FBRSL1: variants seen among roughly 807,000 people sequenced by gnomAD.
The protein encoded by FBRSL1 is fibrosin like 1.
FBRSL1 carries 51 observed loss-of-function variants against 89.6 expected under a neutral mutation model. That is an observed-to-expected ratio of 0.57 (90% CI 0.45 to 0.72). The LOEUF is 0.72. Among genes scored for constraint, FBRSL1 ranks in the 30% least tolerant of loss-of-function variants. The pLI, the probability that FBRSL1 is intolerant of heterozygous loss-of-function variation, is 0.00. For synonymous variants in FBRSL1, 779 were observed against 681.1 expected (o/e 1.14, Z -2.24); for missense variants, 1,618 against 1,451.8 (o/e 1.11, Z -1.86).
In FBRSL1 at chr12:132,582,201, G is replaced by A. The variant is rs977742962; in HGVS notation, c.2136G>A (p.Ala712=). ...APPPWPKSVD[A]ERVSALTNHD... is the part of the protein sequence containing the mutation. ...CCCCGTGGCCCAAGTCCGTGGACGC[G>A]GAGCGGGTGTCAGCCCTGACCAACC... Residue 712 remains alanine, a synonymous_variant, in exon 18 of 19, where the codon GCG becomes GCA. Transcript: ENST00000680143. The A allele has an allele frequency of 3.0e-5, 46 of 1,550,070 alleles. No homozygotes were observed. The highest frequency in any genetic ancestry group is 3.7e-5 in the Non-Finnish European group (42 of 1,146,886).
At chr12:132,509,458 C>T (rs2034071050) in intron 2 of FBRSL1, 6 of 1,241,256 alleles carry the variant, frequency 4.8e-6, no homozygotes, top group Non-Finnish European at 6.0e-6. Context: ...CTTCCATCCC[C>T]AGATCAGCTC....
chr12:132,545,207 G>C (rs2137274825), intron 4 of FBRSL1, among the ~76,000 whole-genome samples: 1 of 152,278 alleles, frequency 6.6e-6, no homozygotes, highest in Admixed American at 6.5e-5. Context: ...TCTGTCCTCT[G>C]CTCCCAGGCA....
At chr12:132,505,803 C>G (rs1214960548) in intron 1 of FBRSL1, among the ~76,000 whole-genome samples, 1 of 152,244 alleles carries the variant, frequency 6.6e-6, no homozygotes, top group Admixed American at 6.5e-5. Context: ...CCCGGAGTGA[C>G]CAGCAGAGGG....
chr12:132,523,952 G>GCCAGCT (rs935743560), intron 2 of FBRSL1, among the ~76,000 whole-genome samples: 34 of 152,230 alleles, frequency 2.2e-4, no homozygotes, highest in African/African-American at 8.2e-4. Flanking sequence ...GGACCGTGGT[G>GCCAGCT]CCAGCTCCGG....
chr12:132,570,050 G>A lies in FBRSL1; in HGVS notation c.816G>A (p.Ala272=), dbSNP rs373715873. The change falls in exon 7 of 19, where the codon GCG becomes GCA. Residue 272 remains alanine, a synonymous_variant. Coordinates refer to ENST00000680143, the MANE Select transcript of FBRSL1 (RefSeq NM_001367871.1). ...CTGCCAGCCCCGCGCCCCATGCCGC[G>A]CCCTGCCCGGGGCCCCCGCCCGGCT... ...LPTASPAPHA[A]PCPGPPPGSR... The A allele has an allele frequency of 4.7e-5, 70 of 1,503,430 alleles. No individual in the cohort carries two copies. The African/African-American group carries it at 7.5e-4, about 16-fold the overall frequency. The allele number at this position is 1,503,430 out of a possible 1,614,324, so 93.1% of individuals were successfully genotyped here.
At chr12:132,536,711 AGTGT>A (rs780533249) in intron 4 of FBRSL1, among the ~76,000 whole-genome samples, 5 of 148,194 alleles carry the variant, frequency 3.4e-5, no homozygotes, top group South Asian at 2.2e-4. Flanking sequence ...TGTACATGAC[AGTGT>A]GTGTGAGTAT....
chr12:132,572,187 C>T (rs563195098), intron 9 of FBRSL1, 101 bp from the exon 10 acceptor site: 17 of 1,096,386 alleles, frequency 1.6e-5, no homozygotes, highest in South Asian at 7.2e-5. Flanking sequence ...GGAAGCACAA[C>T]GCCGTCCTGT....
At chr12:132,576,956 G>T in intron 15 of FBRSL1, 25 bp downstream of exon 15, 1 of 1,540,890 alleles carries the variant, frequency 6.5e-7, no homozygotes, top group Non-Finnish European at 8.8e-7. Context: ...GGGCCAGGTG[G>T]GGGGCACAGA....
chr12:132,527,575 AGTTGAGGGCTGCGGGGCTGCGGGGCAGG>A (rs1566145607), intron 3 of FBRSL1, among the ~76,000 whole-genome samples: 7 of 146,244 alleles, frequency 4.8e-5, no homozygotes, highest in South Asian at 4.4e-4. Context: ...TCCCCATCCG[AGTTGAGGGCTGCGGGGCTGCGGGGCAGG>A]GTTGAGGGCT....
chr12:132,549,013 T>A (rs117447539), intron 5 of FBRSL1, among the ~76,000 whole-genome samples: 2 of 152,100 alleles, frequency 1.3e-5, no homozygotes, highest in East Asian at 3.9e-4. Context: ...GCAGGAGCTG[T>A]CTGGGCTGTG....
chr12:132,581,409 GCTT>G, intron 15 of FBRSL1, 27 bp from the exon 16 acceptor site: 1 of 1,550,808 alleles, frequency 6.4e-7, no homozygotes, highest in Admixed American at 2.0e-5. Flanking sequence ...CTCTCTCCTG[GCTT>G]CTGTCAAACC....
intron 2 of FBRSL1, among the ~76,000 whole-genome samples, chr12:132,524,928 G>A (rs2035662057): frequency 6.6e-6 from 1 of 152,222 alleles, no homozygotes; most frequent in Non-Finnish European, 1.5e-5. Context: ...TTTCTCATCC[G>A]TGAAATGTAA....
At chr12:132,512,119 G>T (rs537459329) in intron 2 of FBRSL1, among the ~76,000 whole-genome samples, 2 of 152,290 alleles carry the variant, frequency 1.3e-5, no homozygotes, top group Admixed American at 1.3e-4. Flanking sequence ...CTGAGGCCTG[G>T]AATGGGGGTT....
At chr12:132,508,989 G>T (rs920865905) in intron 2 of FBRSL1, among the ~76,000 whole-genome samples, 1 of 152,304 alleles carries the variant, frequency 6.6e-6, no homozygotes, top group East Asian at 1.9e-4. Context: ...GCGGGGGTCC[G>T]CTGGTGTGCG....
At chr12:132,545,559 G>A (rs993674761) in intron 4 of FBRSL1, among the ~76,000 whole-genome samples, 6 of 152,196 alleles carry the variant, frequency 3.9e-5, no homozygotes, top group Non-Finnish European at 4.4e-5. Flanking sequence ...TTAAACCCTC[G>A]CCTGTGTGGT....
Position 132,583,013 on chromosome 12 carries a change from CGCCACCCCCGCTG to C in FBRSL1, c.2253_2265del (p.Ala752SerfsTer57). The C allele has an allele frequency of 6.9e-7, 1 of 1,456,198 alleles. No individual in the cohort carries two copies. The highest frequency in any genetic ancestry group is 9.0e-7 in the Non-Finnish European group (1 of 1,111,720). 90.2% of individuals were successfully genotyped at this position (1,456,198 alleles called of 1,614,324 possible). ...CGCGCCTGCTGAGCCGGGCCTCGCC[CGCCACCCCCGCTG>C]GCCACCCCGTCAGCGGCCTCCTGCT... On this transcript the variant is annotated frameshift_variant, in exon 19 of 19. Coordinates refer to ENST00000680143, the MANE Select transcript of FBRSL1 (RefSeq NM_001367871.1). LOFTEE classifies it high-confidence loss of function.
At chr12:132,569,685 C>T (rs2039873247) in intron 6 of FBRSL1, among the ~76,000 whole-genome samples, 1 of 152,138 alleles carries the variant, frequency 6.6e-6, no homozygotes, top group Non-Finnish European at 1.5e-5. Flanking sequence ...GGGCTACCCA[C>T]CCCCACCCCT....
intron 4 of FBRSL1, among the ~76,000 whole-genome samples, chr12:132,532,140 G>A (rs907465098): frequency 6.6e-6 from 1 of 151,094 alleles, no homozygotes; most frequent in Non-Finnish European, 1.5e-5. Flanking sequence ...GTTCTGGAGG[G>A]GCCTTTGGCC....
chr12:132,558,306 G>T (rs1237206627), intron 5 of FBRSL1, among the ~76,000 whole-genome samples: 3 of 152,202 alleles, frequency 2.0e-5, no homozygotes, highest in Non-Finnish European at 1.5e-5. Flanking sequence ...CAGCCTGCCG[G>T]CTCAGCCCAG....
Sources: allele counts gnomAD v4.1 joint callset (sites outside exome capture counted in the v4.1 genomes callset), GRCh38; gene constraint gnomAD v4.1.1; transcripts MANE v1.5; gene names NCBI Gene and HGNC (gene_info 2026-07-23, HGNC 2026-07-21).